The following LRP2 variants were observed in gnomAD, a reference collection of about 807,000 sequenced individuals.
LRP2 encodes the protein LDL receptor related protein 2.
Under a neutral mutation model 531.0 loss-of-function variants are expected in LRP2, and 172 were observed. That is an observed-to-expected ratio of 0.32 (90% CI 0.29 to 0.37). The LOEUF is 0.37. Ranked by LOEUF, LRP2 falls within the 10% of genes least tolerant of loss-of-function variation. The pLI is 1.00. For missense variants in LRP2, 5,167 were observed against 5,868.3 expected (o/e 0.88, Z 3.90); for synonymous variants, 1,992 against 2,027.6 (o/e 0.98, Z 0.47).
chr2:169,332,761 A>G (rs2105541477), intron 1 of LRP2, among the ~76,000 whole-genome samples: 1 of 152,346 alleles, frequency 6.6e-6, no homozygotes, highest in South Asian at 2.1e-4. Context: ...ATACACATAT[A>G]TATACATAAT....
Position 169,246,852 on chromosome 2 carries a change from C to G in LRP2, c.3043G>C (p.Gly1015Arg). 1 of 1,614,146 alleles carries G rather than the reference C, an allele frequency of 6.2e-7. No homozygotes were observed. The highest frequency in any genetic ancestry group is 8.5e-7 in the Non-Finnish European group (1 of 1,180,024). The change falls in exon 21 of 79, where the codon GGG (glycine) becomes CGG (arginine). Residue 1015 changes from glycine to arginine, a missense_variant. Around this residue, in one of 6 missense-constraint regions of LRP2, gnomAD observed 2,811 missense variants for 3,058.0 expected, o/e 0.92. Transcript: ENST00000649046. ...RLASNHLTCE[G>R]DPTNEPPTEQ... Reference sequence around the variant, plus strand: ...GTGGGTGGTTCATTGGTTGGGTCCCCCTCGCATGTCAAGTGATTGGAAGCC... The same window carrying G: ...GTGGGTGGTTCATTGGTTGGGTCCCGCTCGCATGTCAAGTGATTGGAAGCC...
intron 53 of LRP2, 92 bp downstream of exon 53, chr2:169,177,711 T>C: frequency 8.8e-7 from 1 of 1,130,512 alleles, no homozygotes; most frequent in Non-Finnish European, 1.4e-6. Context: ...TGCAACAAAC[T>C]TTTTGTAAAT....
chr2:169,169,660 G>A (rs773936646), intron 60 of LRP2, 42 bp downstream of exon 60: 6 of 1,446,820 alleles, frequency 4.1e-6, no homozygotes, highest in Non-Finnish European at 5.8e-6. Context: ...TCATATCCAT[G>A]CTCTCAGGTA....
At position 169,277,833 on chromosome 2, in the gene LRP2, C is replaced by A. The variant is rs1481808153; in HGVS notation, c.1684G>T (p.Val562Leu). The stretch of plus-strand genomic sequence containing the variant: ...CGCTTCGATATCATATCCAGAGTTA[C>A]CCCAGCAGGCCATCCCAGCTTTGTT... ...VKTKLGWPAGVTLDMISKRVY... is the reference protein window; with the variant it reads ...VKTKLGWPAGLTLDMISKRVY... Residue 562 changes from valine to leucine, a missense_variant, in exon 13 of 79, where the codon GTA becomes TTA. By Grantham distance (32) the Val-to-Leu change is conservative. This residue lies in a region of LRP2 where 2,811 missense variants were observed against 3,058.0 expected (regional missense o/e 0.92). Transcript: ENST00000649046. 1.9e-6 allele frequency: 3 copies of A among 1,614,150 alleles called. No individual in the cohort carries two copies. Among genetic ancestry groups the A allele is most frequent in the Non-Finnish European group, 2.5e-6 (3 of 1,179,998 alleles).
At position 169,211,999 on chromosome 2, in the gene LRP2, A is replaced by G. The variant is rs1371445008; in HGVS notation, c.6249T>C (p.His2083=). ...CTGCCACCGGCACCATGGTTTCTGA[A>G]TGATCTGACAATTCCAAGCTAAAGC... is the stretch of plus-strand genomic sequence containing the variant. The part of the protein sequence containing the change: ...IRGFSLELSD[H]SETMVPVAGQ... The change falls in exon 37 of 79, where the codon CAT becomes CAC. Residue 2083 remains histidine (H), a synonymous_variant. Coordinates refer to ENST00000649046, the MANE Select transcript of LRP2 (RefSeq NM_004525.3). The G allele has an allele frequency of 1.2e-6, 2 of 1,614,028 alleles. No homozygotes were observed. The highest frequency in any genetic ancestry group is 1.7e-6 in the Non-Finnish European group (2 of 1,179,898).
At chr2:169,298,284 T>C (rs1017063323) in intron 4 of LRP2, among the ~76,000 whole-genome samples, 1 of 152,148 alleles carries the variant, frequency 6.6e-6, no homozygotes, top group African/African-American at 2.4e-5. Flanking sequence ...GTACTCAATA[T>C]GTATAAACTC....
intron 1 of LRP2, among the ~76,000 whole-genome samples, chr2:169,334,686 T>C (rs1411231559): frequency 2.0e-5 from 3 of 152,220 alleles, no homozygotes; most frequent in African/African-American, 7.2e-5. Flanking sequence ...GGGCAGGAAC[T>C]GTTTGTGTCT....
In LRP2 at chr2:169,162,596, T is replaced by C. The variant is rs1404387272; in HGVS notation, c.11763A>G (p.Arg3921=). 1.9e-6 allele frequency: 3 copies of C among 1,614,168 alleles called. No homozygotes were observed. In the South Asian group the frequency reaches 3.3e-5, roughly 18 times the overall value. Residue 3921 remains arginine (R), a synonymous_variant, in exon 63 of 79, where the codon AGA becomes AGG. Coordinates refer to ENST00000649046, the MANE Select transcript of LRP2 (RefSeq NM_004525.3). ...CTGTACAAGGTTTAGGGGTCGGTTT[T>C]CTACCTGCAATGTAAAAACAAGTTA... ...DGTDETEEHC[R]KPTPKPCTEY...
chr2:169,145,606 AC>A, intron 70 of LRP2, 140 bp downstream of exon 70: 1 of 788,610 alleles, frequency 1.3e-6, no homozygotes, highest in Non-Finnish European at 2.1e-6. Context: ...CCCCCAGCAA[AC>A]GTACATACAC....
intron 75 of LRP2, among the ~76,000 whole-genome samples, chr2:169,138,365 C>T (rs1685594254): frequency 6.6e-6 from 1 of 152,174 alleles, no homozygotes; most frequent in Non-Finnish European, 1.5e-5. Flanking sequence ...AACAGCGTGG[C>T]TTAGAGCAGG....
At chr2:169,171,284 G>A (rs1017288594) in intron 58 of LRP2, among the ~76,000 whole-genome samples, 1 of 152,114 alleles carries the variant, frequency 6.6e-6, no homozygotes, top group African/African-American at 2.4e-5. Context: ...AAGTTAGAAT[G>A]TGTTTCATTA....
intron 8 of LRP2, among the ~76,000 whole-genome samples, chr2:169,289,441 C>T (rs958976291): frequency 1.3e-5 from 2 of 152,092 alleles, no homozygotes; most frequent in Non-Finnish European, 2.9e-5. Context: ...ACTGTAATCT[C>T]AGCACTTTGG....
intron 6 of LRP2, among the ~76,000 whole-genome samples, chr2:169,292,844 A>C (rs866565722): frequency 6.6e-5 from 10 of 151,328 alleles, no homozygotes; most frequent in Middle Eastern, 3.4e-3. Flanking sequence ...AAAAAAAAAA[A>C]AAAAAAAAAA....
At chr2:169,313,800 T>C (rs1684684801) in intron 3 of LRP2, among the ~76,000 whole-genome samples, 1 of 152,224 alleles carries the variant, frequency 6.6e-6, no homozygotes, top group African/African-American at 2.4e-5. Flanking sequence ...AGACTGGAGC[T>C]GTTCCTATTC....
chr2:169,309,257 G>C lies in LRP2; in HGVS notation c.311-1860C>G, dbSNP rs527368464. ...ATCCCATTTATCAATTTTGGCTTTT[G>C]TTACCATTGCTTTTGGTGTTTTAGA... is the stretch of plus-strand genomic sequence containing the variant. On this transcript the variant is annotated intron_variant, in intron 3 of 78. Transcript: ENST00000649046. Among the ~76,000 whole-genome samples the C allele has an allele frequency of 6.6e-4, 100 of 152,238 alleles. 1 individual carries two copies. The highest frequency in any genetic ancestry group is 2.3e-3 in the African/African-American group (97 of 41,542).
At chr2:169,182,434 A>G in intron 50 of LRP2, 115 bp from the exon 51 acceptor site, 1 of 1,584,276 alleles carries the variant, frequency 6.3e-7, no homozygotes, top group South Asian at 1.1e-5. Context: ...GTTAGAAGTC[A>G]CCTTTCTTCA....
rs1245816974 is a variant in LRP2 at position 169,128,699 on chromosome 2, G to C, written c.13932C>G (p.Asp4644Glu). The C allele has an allele frequency of 6.2e-7, 1 of 1,614,122 alleles. No homozygotes were observed. The highest frequency in any genetic ancestry group is 8.5e-7 in the Non-Finnish European group (1 of 1,179,974). The part of the protein sequence containing the change: ...TYSATEDTFK[D>E]TANLVKEDSE... ...AGTCTTCTTTAACAAGATTTGCGGTGTCTTTAAAAGTGTCTTCTGTTGCAG... is the reference window on the plus strand; with the variant it reads ...AGTCTTCTTTAACAAGATTTGCGGTCTCTTTAAAAGTGTCTTCTGTTGCAG... Residue 4644 changes from aspartate (D) to glutamate (E), a missense_variant, in exon 79 of 79, where the codon GAC becomes GAG. Coordinates refer to ENST00000649046, the MANE Select transcript of LRP2 (RefSeq NM_004525.3).
chr2:169,324,531 A>G (rs931743234), intron 1 of LRP2, among the ~76,000 whole-genome samples: 1 of 152,192 alleles, frequency 6.6e-6, no homozygotes, highest in Non-Finnish European at 1.5e-5. Context: ...ATTGAAAGCA[A>G]TGCAAAAAAA....
intron 3 of LRP2, among the ~76,000 whole-genome samples, chr2:169,310,812 C>T (rs929930898): frequency 3.9e-5 from 6 of 152,190 alleles, no homozygotes; most frequent in African/African-American, 1.4e-4. Flanking sequence ...TAGAATTCGG[C>T]TGTGAATCAG....
Sources: gnomAD v4.1 joint callset for allele counts (sites outside exome capture counted in the v4.1 genomes callset) on GRCh38, gnomAD v4.1.1 for gene constraint, gnomAD v4.1.1 regional missense constraint, MANE v1.5 for transcripts, NCBI Gene and HGNC (gene_info 2026-07-23, HGNC 2026-07-21) for gene names.